PPP1R16B: variants seen among roughly 807,000 people sequenced by gnomAD.
The protein encoded by PPP1R16B is protein phosphatase 1 regulatory inhibitor subunit 16B.
In PPP1R16B, 14 loss-of-function variants were observed where a neutral mutation model predicts 61.7. The observed-to-expected ratio is 0.23, with a 90% CI of 0.15 to 0.35. PPP1R16B has a LOEUF of 0.35. PPP1R16B is among the 10% of genes least tolerant of loss of function. The pLI is 1.00. For missense variants in PPP1R16B, 547 were observed against 752.5 expected (o/e 0.73, Z 3.19); for synonymous variants, 266 against 305.3 (o/e 0.87, Z 1.34).
chr20:38,839,988 CT>C (rs559296885), intron 2 of PPP1R16B, among the ~76,000 whole-genome samples: 25 of 152,360 alleles, frequency 1.6e-4, no homozygotes, highest in Non-Finnish European at 2.6e-4. Context: ...GCTGGTCCCC[CT>C]GTCTCTATGG....
At chr20:38,857,953 C>T (rs933229017) in intron 2 of PPP1R16B, among the ~76,000 whole-genome samples, 5 of 151,950 alleles carry the variant, frequency 3.3e-5, no homozygotes, top group Admixed American at 2.0e-4. Context: ...ACGATAGAAA[C>T]GTATTTCCTT....
Position 38,907,760 on chromosome 20 carries a change from C to G in PPP1R16B, c.899-46C>G, listed in dbSNP as rs113642753. 5.7e-5 allele frequency: 92 copies of G among 1,606,896 alleles called. No homozygotes were observed. In the African/African-American group the frequency reaches 8.2e-4, roughly 14 times the overall value. ...TGGTCTGGAGCACCCTCTTGCGCCA[C>G]AGGTCCTGGCCCCGTCCCCCACAAC... On this transcript the variant is annotated intron_variant, in intron 8 of 10. Coordinates refer to ENST00000299824, the MANE Select transcript of PPP1R16B (RefSeq NM_015568.4). This position sits in a 1 kb window ranked among gnomAD's most constrained non-coding sequence, Gnocchi z 4.5.
chr20:38,906,458 T>A (rs1477488982), intron 7 of PPP1R16B, among the ~76,000 whole-genome samples: 1 of 151,910 alleles, frequency 6.6e-6, no homozygotes, highest in Non-Finnish European at 1.5e-5. Flanking sequence ...CATGCCCAGC[T>A]AATTTTTTGT....
chr20:38,859,285 G>T (rs1295838461), intron 2 of PPP1R16B, among the ~76,000 whole-genome samples: 1 of 151,886 alleles, frequency 6.6e-6, no homozygotes, highest in Admixed American at 6.6e-5. Context: ...GACTGCTAGT[G>T]CGGGTTCCTT....
chr20:38,910,568 C>G (rs1195280609), intron 10 of PPP1R16B, among the ~76,000 whole-genome samples: 1 of 146,222 alleles, frequency 6.8e-6, no homozygotes. Context: ...GGAGTTCACT[C>G]TGTTGCCTGG....
chr20:38,913,962 C>T (rs1441909640), intron 10 of PPP1R16B, among the ~76,000 whole-genome samples: 1 of 152,164 alleles, frequency 6.6e-6, no homozygotes, highest in Non-Finnish European at 1.5e-5. Context: ...GAGGCCCAGG[C>T]AGGCGGATCA....
chr20:38,898,067 C>G (rs143884857), intron 4 of PPP1R16B, among the ~76,000 whole-genome samples: 11 of 152,304 alleles, frequency 7.2e-5, no homozygotes, highest in Admixed American at 5.9e-4. Context: ...GCCAAATCCA[C>G]TATCATGGAG....
At chr20:38,851,152 A>G (rs2145729392) in intron 2 of PPP1R16B, among the ~76,000 whole-genome samples, 1 of 151,836 alleles carries the variant, frequency 6.6e-6, no homozygotes, top group Middle Eastern at 3.4e-3. Context: ...GAGTCTCGAC[A>G]ATTAAAAAAC....
chr20:38,901,817 C>T (rs192580377), intron 5 of PPP1R16B, among the ~76,000 whole-genome samples: 122 of 152,302 alleles, frequency 8.0e-4, no homozygotes, highest in African/African-American at 2.8e-3. Context: ...ATAGAAACTT[C>T]GTTAATTCAT....
At chr20:38,859,088 G>A (rs556549124) in intron 2 of PPP1R16B, among the ~76,000 whole-genome samples, 4 of 152,282 alleles carry the variant, frequency 2.6e-5, no homozygotes, top group South Asian at 4.1e-4. Context: ...AGCCGACCCC[G>A]ACTTCAGTGG....
intron 10 of PPP1R16B, among the ~76,000 whole-genome samples, chr20:38,908,465 G>T (rs1470944708): frequency 1.3e-5 from 2 of 152,248 alleles, no homozygotes; most frequent in Admixed American, 6.5e-5. Flanking sequence ...TCTCCTAATT[G>T]ACAGGGGGTG....
At chr20:38,853,056 C>A (rs897516915) in intron 2 of PPP1R16B, among the ~76,000 whole-genome samples, 4 of 151,980 alleles carry the variant, frequency 2.6e-5, no homozygotes, top group Non-Finnish European at 5.9e-5. Flanking sequence ...ACAGGCATGA[C>A]CCATTGCGCC....
At chr20:38,831,396 C>T (rs1395983694) in intron 1 of PPP1R16B, among the ~76,000 whole-genome samples, 1 of 152,258 alleles carries the variant, frequency 6.6e-6, no homozygotes, top group Non-Finnish European at 1.5e-5. Flanking sequence ...GGCCGCCTAG[C>T]TGCTGTGTTC....
chr20:38,916,477 T>G (rs2145788036), intron 10 of PPP1R16B, among the ~76,000 whole-genome samples: 1 of 151,440 alleles, frequency 6.6e-6, no homozygotes, highest in Non-Finnish European at 1.5e-5. Flanking sequence ...CATCTTTCCA[T>G]GCCAGCTTGT....
At chr20:38,903,142 A>G (rs2085410135) in intron 6 of PPP1R16B, among the ~76,000 whole-genome samples, 1 of 152,130 alleles carries the variant, frequency 6.6e-6, no homozygotes, top group Non-Finnish European at 1.5e-5. Flanking sequence ...TTAATAAACA[A>G]ACAAACAAAA....
chr20:38,821,087 G>A (rs1001079557), intron 1 of PPP1R16B, among the ~76,000 whole-genome samples: 7 of 151,914 alleles, frequency 4.6e-5, no homozygotes, highest in Admixed American at 4.6e-4. Context: ...ATTTGTAGTG[G>A]TCTTTCTCTG....
chr20:38,905,224 G>C (rs1315653230), intron 6 of PPP1R16B, among the ~76,000 whole-genome samples: 3 of 152,184 alleles, frequency 2.0e-5, no homozygotes, highest in Non-Finnish European at 4.4e-5. Context: ...GCTCTGGCTT[G>C]GTGGCTCTCA....
rs988402355 is a variant in PPP1R16B, at chr20:38,835,938, G to A, written c.13G>A (p.Val5Met). 7.8e-6 allele frequency: 12 copies of A among 1,541,500 alleles called. No homozygotes were observed. In the African/African-American group the frequency reaches 1.2e-4, roughly 16 times the overall value. The change falls in exon 2 of 11, where the codon GTG becomes ATG. Residue 5 changes from valine (V) to methionine (M), a missense_variant. By Grantham distance (21) the Val-to-Met change is conservative. Coordinates refer to ENST00000299824, the MANE Select transcript of PPP1R16B (RefSeq NM_015568.4). Reference protein sequence around the residue: MASHVDLLTELQLLE... With the variant: MASHMDLLTELQLLE... ...GAGGGCGGTGGCCATGGCCAGTCAC[G>A]TGGACCTGCTGACGGAGCTGCAGCT... is the stretch of plus-strand genomic sequence containing the variant.
intron 2 of PPP1R16B, among the ~76,000 whole-genome samples, chr20:38,849,664 A>AAAC (rs1208321883): frequency 1.4e-5 from 2 of 147,478 alleles, no homozygotes; most frequent in Non-Finnish European, 3.0e-5. Context: ...CCTGATTTAA[A>AAAC]AACAACAACA....
Sources: gnomAD v4.1 joint callset for allele counts (sites outside exome capture counted in the v4.1 genomes callset) on GRCh38, gnomAD v4.1.1 for gene constraint, Gnocchi (gnomAD v3.1) non-coding constraint, MANE v1.5 for transcripts, NCBI Gene and HGNC (gene_info 2026-07-23, HGNC 2026-07-21) for gene names.